Variants in NEMP2 observed in about 807,000 individuals in gnomAD.
The protein encoded by NEMP2 is nuclear envelope integral membrane protein 2.
In NEMP2, 53 loss-of-function variants were observed where a neutral mutation model predicts 54.2. The ratio of observed to expected loss-of-function variants is 0.98; its 90% CI spans 0.78 to 1.23. NEMP2 has a LOEUF of 1.23. NEMP2 is among the 50% of genes most tolerant of loss of function. NEMP2 has a pLI of 0.00. For synonymous variants in NEMP2, 197 were observed against 190.3 expected, an observed-to-expected ratio of 1.04 and a Z score of -0.29; for missense variants, 455 against 511.3, an observed-to-expected ratio of 0.89 and a Z score of 1.06.
chr2:190,534,046 T>C, intron 1 of NEMP2: 1 of 927,302 alleles, frequency 1.1e-6, no homozygotes, highest in South Asian at 5.2e-5. Flanking sequence ...GTTTACTCGC[T>C]CAAGGTCACA....
the NEMP2 span, among the ~76,000 whole-genome samples, chr2:190,644,113 C>G: frequency 1.3e-5 from 2 of 152,042 alleles, no homozygotes; most frequent in Non-Finnish European, 2.9e-5. This position sits in a 1 kb window ranked among gnomAD's most constrained non-coding sequence, Gnocchi z 4.4. Context: ...CTATTAAATT[C>G]TAGCTATATA....
chr2:190,423,592 A>G, the NEMP2 span, among the ~76,000 whole-genome samples: 2 of 152,224 alleles, frequency 1.3e-5, no homozygotes, highest in South Asian at 4.1e-4. The surrounding 1 kb of genome is among the most constrained non-coding windows in gnomAD (Gnocchi z 4.3). Context: ...GAAAGCTGCT[A>G]TAAACATTTA....
the NEMP2 span, among the ~76,000 whole-genome samples, chr2:190,460,491 A>T: frequency 3.9e-5 from 6 of 152,196 alleles, no homozygotes; most frequent in Non-Finnish European, 5.9e-5. Flanking sequence ...TTGTTAATTG[A>T]TATTCTATTT....
chr2:190,554,197 G>T, the NEMP2 span, among the ~76,000 whole-genome samples: 1 of 152,176 alleles, frequency 6.6e-6, no homozygotes, highest in Non-Finnish European at 1.5e-5. This position sits in a 1 kb window ranked among gnomAD's most constrained non-coding sequence, Gnocchi z 5.7. Context: ...ACGTCACCAG[G>T]GCCCTGGGTT....
chr2:190,568,849 AAACTC>A, the NEMP2 span, among the ~76,000 whole-genome samples: 2 of 152,084 alleles, frequency 1.3e-5, no homozygotes, highest in African/African-American at 4.8e-5. The surrounding 1 kb of genome is among the most constrained non-coding windows in gnomAD (Gnocchi z 4.7). Context: ...AAACAACAAA[AAACTC>A]AATAATTATC....
the NEMP2 span, among the ~76,000 whole-genome samples, chr2:190,430,635 T>C: frequency 1.2e-4 from 18 of 151,178 alleles, no homozygotes; most frequent in Admixed American, 2.6e-4. Context: ...ACCATCCGAT[T>C]TCTCAATCTT....
chr2:190,436,887 T>C, the NEMP2 span: 1 of 1,614,232 alleles, frequency 6.2e-7, no homozygotes. The surrounding 1 kb of genome is among the most constrained non-coding windows in gnomAD (Gnocchi z 5.3). Flanking sequence ...AAGTTGAAGC[T>C]ATATTCTTGG....
chr2:190,617,205 T>C, the NEMP2 span: 1 of 152,330 alleles, frequency 6.6e-6, no homozygotes, highest in African/African-American at 2.4e-5. The surrounding 1 kb of genome is among the most constrained non-coding windows in gnomAD (Gnocchi z 5.0). Flanking sequence ...TTATGAAAAT[T>C]TCTATTCCTA....
At chr2:190,628,855 C>T in the NEMP2 span, 3 of 152,348 alleles carry the variant, frequency 2.0e-5, no homozygotes, top group East Asian at 3.8e-4. The surrounding 1 kb of genome is among the most constrained non-coding windows in gnomAD (Gnocchi z 4.1). Context: ...GCTACTTCCT[C>T]GCCTGGCCTG....
the NEMP2 span, among the ~76,000 whole-genome samples, chr2:190,590,455 G>A: frequency 4.3e-4 from 65 of 152,268 alleles, no homozygotes; most frequent in Non-Finnish European, 7.8e-4. This position sits in a 1 kb window ranked among gnomAD's most constrained non-coding sequence, Gnocchi z 5.1. Context: ...TTCCATGCTC[G>A]TCAACTGAGC....
Position 190,534,593 on chromosome 2 carries a change from G to T in NEMP2, c.63C>A (p.Pro21=), listed in dbSNP as rs1415477649. ...LLWLPPLATL[P]VRGEAAAAAL... The stretch of plus-strand genomic sequence containing the variant: ...CTGCCGCCGCCGCCTCCCCGCGCAC[G>T]GGCAGTGTGGCCAGGGGCGGCAGCC... The change falls in exon 1 of 9, where the codon CCC becomes CCA. Residue 21 remains proline (P), a synonymous_variant. Coordinates refer to ENST00000409150, the MANE Select transcript of NEMP2 (RefSeq NM_001142645.2). 1.4e-6 allele frequency: 2 copies of T among 1,395,560 alleles called. No homozygotes were observed. The highest frequency in any genetic ancestry group is 3.1e-5 in the South Asian group (2 of 64,210). The allele number at this position is 1,395,560 out of a possible 1,614,324, so 86.4% of individuals were successfully genotyped here.
the NEMP2 span, among the ~76,000 whole-genome samples, chr2:190,496,289 CT>C: frequency 6.6e-6 from 1 of 152,250 alleles, no homozygotes; most frequent in South Asian, 2.1e-4. The surrounding 1 kb of genome is among the most constrained non-coding windows in gnomAD (Gnocchi z 4.7). Flanking sequence ...GTGATACCAC[CT>C]TACTCCCACA....
chr2:190,639,042 A>ACCTATATCT, the NEMP2 span, among the ~76,000 whole-genome samples: 1 of 152,224 alleles, frequency 6.6e-6, no homozygotes, highest in Non-Finnish European at 1.5e-5. Context: ...GAACAGGAGG[A>ACCTATATCT]TCCTTAAGAA....
chr2:190,516,127 C>A, intron 6 of NEMP2, 143 bp downstream of exon 6: 2 of 551,732 alleles, frequency 3.6e-6, no homozygotes, highest in African/African-American at 1.9e-5. Context: ...ATAAGATAAA[C>A]AAAATATTAT....
the NEMP2 span, among the ~76,000 whole-genome samples, chr2:190,565,225 G>T: frequency 1.3e-5 from 2 of 152,092 alleles, no homozygotes; most frequent in Non-Finnish European, 2.9e-5. Flanking sequence ...AAGCCTGATA[G>T]AAGAAAGAAG....
the NEMP2 span, among the ~76,000 whole-genome samples, chr2:190,571,474 C>T: frequency 1.3e-5 from 2 of 151,916 alleles, no homozygotes; most frequent in African/African-American, 2.4e-5. Context: ...ACTCAGGAGA[C>T]GGAGGTTGCA....
the NEMP2 span, among the ~76,000 whole-genome samples, chr2:190,582,390 G>A: frequency 2.6e-5 from 4 of 152,148 alleles, no homozygotes; most frequent in South Asian, 2.1e-4. The surrounding 1 kb of genome is among the most constrained non-coding windows in gnomAD (Gnocchi z 4.6). Context: ...CGGGACACAT[G>A]AGGGAACAGA....
At position 190,531,652 on chromosome 2, in the gene NEMP2, C is replaced by A. The variant is rs1016710621; in HGVS notation, c.97+2907G>T. Among the ~76,000 whole-genome samples the A allele has an allele frequency of 1.2e-4, 19 of 152,030 alleles. No homozygotes were observed. The highest frequency in any genetic ancestry group is 4.6e-4 in the African/African-American group (19 of 41,370). ...CTCAATTTATGAATATTCAATTAAT[C>A]TAATTTTAGAATTACATATCTAGTA... On this transcript the variant is annotated intron_variant, in intron 1 of 8. Transcript: ENST00000409150. This position sits in a 1 kb window ranked among gnomAD's most constrained non-coding sequence, Gnocchi z 4.7.
chr2:190,491,563 A>G, the NEMP2 span, among the ~76,000 whole-genome samples: 2 of 152,188 alleles, frequency 1.3e-5, no homozygotes, highest in African/African-American at 2.4e-5. This position sits in a 1 kb window ranked among gnomAD's most constrained non-coding sequence, Gnocchi z 4.2. Context: ...AGAAATGACA[A>G]TCACTACAGC....
Sources: allele counts gnomAD v4.1 joint callset (sites outside exome capture counted in the v4.1 genomes callset), GRCh38; gene constraint gnomAD v4.1.1; non-coding constraint Gnocchi (gnomAD v3.1); transcripts MANE v1.5; gene names NCBI Gene and HGNC (gene_info 2026-07-23, HGNC 2026-07-21).